The following CACNA1C variants were observed in gnomAD, a reference collection of about 807,000 sequenced individuals.
CACNA1C encodes the protein voltage-dependent L-type calcium channel subunit alpha-1C.
A neutral mutation model predicts 229.0 loss-of-function variants in CACNA1C; 30 were observed. That is an observed-to-expected ratio of 0.13 (90% CI 0.10 to 0.18). The LOEUF (loss-of-function observed/expected upper bound fraction) is 0.18, where lower values mean the gene tolerates loss of function less well. Ranked by LOEUF, CACNA1C falls within the 10% of genes least tolerant of loss-of-function variation. The pLI is 1.00. For missense variants in CACNA1C, 1,658 were observed against 2,845.0 expected (o/e 0.58, Z 9.49); for synonymous variants, 1,114 against 1,132.5 (o/e 0.98, Z 0.33).
chr12:2,234,487 G>A (rs954316526), intron 3 of CACNA1C, among the ~76,000 whole-genome samples: 54 of 152,154 alleles, frequency 3.5e-4, no homozygotes, highest in African/African-American at 1.3e-3. Flanking sequence ...GCATCTGTTC[G>A]TCAGGTGTGC....
chr12:2,268,102 C>T (rs922809111), intron 3 of CACNA1C, among the ~76,000 whole-genome samples: 2 of 152,182 alleles, frequency 1.3e-5, no homozygotes, highest in African/African-American at 4.8e-5. Context: ...GTGCCTTGTG[C>T]CAGGGACTGG....
intron 30 of CACNA1C, among the ~76,000 whole-genome samples, chr12:2,635,419 G>C (rs1467490720): frequency 6.6e-6 from 1 of 152,122 alleles, no homozygotes; most frequent in African/African-American, 2.4e-5. Flanking sequence ...TAAGAGACTT[G>C]GTAATGTTTG....
At chr12:2,686,561 G>A (rs1455980938) in intron 45 of CACNA1C, among the ~76,000 whole-genome samples, 11 of 152,344 alleles carry the variant, frequency 7.2e-5, no homozygotes, top group Middle Eastern at 3.4e-3. Context: ...TTTCTTCTTA[G>A]GCTGCCACAG....
chr12:2,255,745 G>C (rs976941429), intron 3 of CACNA1C, among the ~76,000 whole-genome samples: 1 of 150,584 alleles, frequency 6.6e-6, no homozygotes, highest in Non-Finnish European at 1.5e-5. Flanking sequence ...TGTGAGTTAA[G>C]CAATATGCTT....
intron 1 of CACNA1C, among the ~76,000 whole-genome samples, chr12:2,081,356 G>T (rs2065520420): frequency 1.6e-5 from 1 of 62,504 alleles, no homozygotes; most frequent in African/African-American, 7.5e-5. Flanking sequence ...GGATCATGAG[G>T]TCAGGAGATC....
At chr12:2,500,959 C>T (rs148765612) in intron 7 of CACNA1C, among the ~76,000 whole-genome samples, 1 of 151,724 alleles carries the variant, frequency 6.6e-6, no homozygotes, top group African/African-American at 2.4e-5. Flanking sequence ...GTAATCCCAG[C>T]ACTTTGGGAG....
Position 2,651,275 on chromosome 12 carries a change from G to A in CACNA1C, c.3946-365G>A. The A allele has an allele frequency of 3.0e-6, 1 of 338,880 alleles. No individual in the cohort carries two copies. The highest frequency in any genetic ancestry group is 6.2e-5 in the South Asian group (1 of 16,080). The allele number at this position is 338,880 out of a possible 1,614,324, so 21.0% of individuals were successfully genotyped here. A position where few individuals can be genotyped will look rare whatever the true frequency, so the allele number is the denominator to read the frequency against. On this transcript the variant is annotated intron_variant, in intron 31 of 46. Coordinates refer to ENST00000399655, the MANE Select transcript of CACNA1C (RefSeq NM_000719.7). The surrounding 1 kb of genome is among the most constrained non-coding windows in gnomAD (Gnocchi z 5.4). ...CTGCTTCCTCAGCAGTGCAGAGGAG[G>A]GGTTCCCAGGGCAGCTGGCTCTGGG...
chr12:2,115,844 C>T (rs527614771), intron 2 of CACNA1C, among the ~76,000 whole-genome samples: 2 of 152,350 alleles, frequency 1.3e-5, no homozygotes, highest in Admixed American at 6.5e-5. Flanking sequence ...AGAAAATCAG[C>T]CTAAGAAGTT....
intron 3 of CACNA1C, among the ~76,000 whole-genome samples, chr12:2,435,189 C>A (rs1185511154): frequency 6.6e-6 from 1 of 152,196 alleles, no homozygotes; most frequent in Non-Finnish European, 1.5e-5. Context: ...TGACCAGGAC[C>A]CCATTGTGCA....
chr12:2,691,935 T>C lies in CACNA1C; in HGVS notation c.*736T>C. On this transcript the variant is annotated 3_prime_UTR_variant, in exon 47 of 47. Coordinates refer to ENST00000399655, the MANE Select transcript of CACNA1C (RefSeq NM_000719.7). ...TGGTTTGACACTTTTCTTGACAGCA[T>C]GTTGCAGTTTCTTTTCGGTTTTGGT... 1 of 152,254 alleles carries C rather than the reference T, an allele frequency of 6.6e-6. No homozygotes were observed. The highest frequency in any genetic ancestry group is 1.9e-4 in the East Asian group (1 of 5,194). 9.4% of individuals were successfully genotyped at this position (152,254 alleles called of 1,614,324 possible).
At chr12:2,394,577 A>G (rs1425937522) in intron 3 of CACNA1C, among the ~76,000 whole-genome samples, 1 of 152,202 alleles carries the variant, frequency 6.6e-6, no homozygotes, top group Non-Finnish European at 1.5e-5. Context: ...AAGTGTTTTC[A>G]GACTGTAAAA....
intron 3 of CACNA1C, among the ~76,000 whole-genome samples, chr12:2,231,672 C>T (rs568506641): frequency 3.9e-4 from 59 of 152,274 alleles, no homozygotes; most frequent in Non-Finnish European, 5.1e-4. Context: ...GCCCGGTACA[C>T]ACCTGTTGGA....
intron 27 of CACNA1C, among the ~76,000 whole-genome samples, chr12:2,609,807 A>G (rs1417209679): frequency 6.6e-6 from 1 of 151,844 alleles, no homozygotes; most frequent in African/African-American, 2.4e-5. Flanking sequence ...TTTCCATCTT[A>G]TGGACACTGG....
intron 1 of CACNA1C, among the ~76,000 whole-genome samples, chr12:2,055,114 G>A (rs992065671): frequency 6.6e-6 from 1 of 152,202 alleles, no homozygotes; most frequent in African/African-American, 2.4e-5. Flanking sequence ...TGGGTTCTAG[G>A]GTGAGCCAGA....
At chr12:2,060,587 C>T (rs762734975) in intron 1 of CACNA1C, among the ~76,000 whole-genome samples, 34 of 152,330 alleles carry the variant, frequency 2.2e-4, no homozygotes, top group Non-Finnish European at 2.9e-4. Flanking sequence ...GAGGCTGACT[C>T]GGTCTAGCTT....
chr12:2,573,943 C>A (rs989559123), intron 13 of CACNA1C, among the ~76,000 whole-genome samples: 1 of 152,182 alleles, frequency 6.6e-6, no homozygotes, highest in African/African-American at 2.4e-5. Context: ...TATTTACATA[C>A]TGACATTTTT....
Position 2,677,500 on chromosome 12 carries a change from C to T in CACNA1C, c.4957-233C>T, listed in dbSNP as rs1048624472. 1.6e-5 allele frequency: 10 copies of T among 617,708 alleles called. No homozygotes were observed. Among genetic ancestry groups the T allele is most frequent in the Non-Finnish European group, 2.8e-5 (10 of 355,676 alleles). The allele number at this position is 617,708 out of a possible 1,614,324, so 38.3% of individuals were successfully genotyped here. ...GAGGCTCCCGTGACAGCCCCTGACC[C>T]CTGGTGCCCCGTCCTAATGAGCCTT... On this transcript the variant is annotated intron_variant, in intron 40 of 46. Transcript: ENST00000399655. The surrounding 1 kb of genome is among the most constrained non-coding windows in gnomAD (Gnocchi z 7.4).
At chr12:2,005,633 GTGA>G (rs747811949) in intron 1 of CACNA1C, among the ~76,000 whole-genome samples, 30 of 152,228 alleles carry the variant, frequency 2.0e-4, no homozygotes, top group Admixed American at 2.6e-4. Flanking sequence ...GATGAGATCA[GTGA>G]TGATATTAAT....
chr12:2,111,581 T>C (rs958642457), intron 1 of CACNA1C, among the ~76,000 whole-genome samples: 2 of 151,120 alleles, frequency 1.3e-5, no homozygotes, highest in Admixed American at 1.3e-4. Flanking sequence ...AGGCGTGAGC[T>C]GTGGAGGGCT....
Sources: allele counts gnomAD v4.1 joint callset (sites outside exome capture counted in the v4.1 genomes callset), GRCh38; gene constraint gnomAD v4.1.1; non-coding constraint Gnocchi (gnomAD v3.1); transcripts MANE v1.5; gene names NCBI Gene and HGNC (gene_info 2026-07-23, HGNC 2026-07-21).